The following SRD5A3 variants were observed in gnomAD, a reference collection of about 807,000 sequenced individuals.
SRD5A3 encodes steroid 5 alpha-reductase 3, also known as polyprenal reductase.
Under a neutral mutation model 34.3 loss-of-function variants are expected in SRD5A3, and 24 were observed. The observed-to-expected ratio is 0.70, with a 90% CI of 0.51 to 0.99. SRD5A3 has a LOEUF of 0.99. Among genes scored for constraint, SRD5A3 ranks in the 50% least tolerant of loss-of-function variants. The probability of loss-of-function intolerance (pLI) is 0.00; values close to 1 mark genes in which losing one functional copy is unlikely to be tolerated. For synonymous variants in SRD5A3, 161 were observed against 167.3 expected (o/e 0.96, Z 0.29); for missense variants, 350 against 388.2 (o/e 0.90, Z 0.83).
At chr4:55,351,621 C>A (rs935169794) in intron 1 of SRD5A3, among the ~76,000 whole-genome samples, 1 of 151,874 alleles carries the variant, frequency 6.6e-6, no homozygotes, top group Non-Finnish European at 1.5e-5. Context: ...TGTGCCACTG[C>A]ACTCCAGCCT....
chr4:55,346,444 GCCCGGCCTGCT>G lies in SRD5A3; in HGVS notation c.114_124del (p.Leu40ArgfsTer27). 6.2e-7 allele frequency: 1 copy of G among 1,606,036 alleles called. No individual in the cohort carries two copies. The highest frequency in any genetic ancestry group is 8.5e-7 in the Non-Finnish European group (1 of 1,177,060). Reference sequence around the variant, plus strand: ...TGACCCTACTGCTGCAGCTCCTGCCGCCCGGCCTGCTCCCGGGCTGCGCGATCTTCCAGGAC... The same window carrying G: ...TGACCCTACTGCTGCAGCTCCTGCCGCCCGGGCTGCGCGATCTTCCAGGAC... On this transcript the variant is annotated frameshift_variant, in exon 1 of 5. Transcript: ENST00000264228. LOFTEE classifies it high-confidence loss of function.
chr4:55,361,911 T>G (rs1039181674), intron 2 of SRD5A3, among the ~76,000 whole-genome samples: 38 of 152,218 alleles, frequency 2.5e-4, no homozygotes, highest in Admixed American at 8.5e-4. Context: ...ACTGTGAGAC[T>G]GACTGGGGTG....
rs532116552 is a variant in SRD5A3 at position 55,368,221 on chromosome 4, A to G, written c.697+499A>G. Among the ~76,000 whole-genome samples the G allele has an allele frequency of 1.4e-3, 213 of 151,810 alleles. 2 individuals carry two copies. Among genetic ancestry groups the G allele is most frequent in the African/African-American group, 5.0e-3 (207 of 41,452 alleles). ...GCAAAACCCCGTCTCTTCTAAAAAT[A>G]CAAAACTTAGCTGGGTGCGGTGGTG... On this transcript the variant is annotated intron_variant, in intron 4 of 4. Transcript: ENST00000264228.
rs1172198361 is a variant in SRD5A3, at chr4:55,372,768, C to T, written c.*2677C>T. On this transcript the variant is annotated 3_prime_UTR_variant, in exon 5 of 5. Transcript: ENST00000264228. ...GACATTGAACTACCTCATTAGCAGC[C>T]TTCCCTTGATTAACTACTGACTAAA... The T allele has an allele frequency of 2.0e-5, 3 of 152,134 alleles. No individual in the cohort carries two copies. Among genetic ancestry groups the T allele is most frequent in the Non-Finnish European group, 4.4e-5 (3 of 68,026 alleles). 9.4% of individuals were successfully genotyped at this position (152,134 alleles called of 1,614,324 possible).
At chr4:55,357,576 GA>G (rs35587349) in intron 1 of SRD5A3, among the ~76,000 whole-genome samples, 29,852 of 152,246 alleles carry the variant, frequency 0.2, 3,065 homozygotes, top group South Asian at 0.24. Context: ...GTAGGCTCTT[GA>G]AGCCTGGAGA....
intron 1 of SRD5A3, among the ~76,000 whole-genome samples, chr4:55,356,740 C>CGCGA (rs2109470546): frequency 6.6e-6 from 1 of 151,908 alleles, no homozygotes; most frequent in East Asian, 1.9e-4. Flanking sequence ...GATGGAGTCT[C>CGCGA]GCTCTGTTGC....
chr4:55,359,760 C>T (rs1311910522), intron 2 of SRD5A3, among the ~76,000 whole-genome samples: 1 of 152,168 alleles, frequency 6.6e-6, no homozygotes, highest in African/African-American at 2.4e-5. Context: ...ACTGGCTGCC[C>T]TCCCTCTGGT....
Position 55,353,509 on chromosome 4 carries a change from C to T in SRD5A3, c.222-5837C>T, listed in dbSNP as rs557591679. Among the ~76,000 whole-genome samples the T allele has an allele frequency of 8.7e-4, 132 of 152,290 alleles. 3 individuals are homozygous for T. The South Asian group carries it at 0.017, about 20-fold the overall frequency. ...AAATAAGGGAATAAAAGCTGGCCAC[C>T]CGAGCCAGCAGCGCCAAGTCACTGG... is the stretch of plus-strand genomic sequence containing the variant. On this transcript the variant is annotated intron_variant, in intron 1 of 4. Coordinates refer to ENST00000264228, the MANE Select transcript of SRD5A3 (RefSeq NM_024592.5).
At chr4:55,349,504 A>G (rs930888547) in intron 1 of SRD5A3, among the ~76,000 whole-genome samples, 11 of 151,394 alleles carry the variant, frequency 7.3e-5, no homozygotes, top group African/African-American at 2.4e-4. Context: ...GGTTCTTGGA[A>G]TGTTTGTTTC....
At chr4:55,363,803 G>A (rs1719776399) in intron 2 of SRD5A3, among the ~76,000 whole-genome samples, 1 of 152,184 alleles carries the variant, frequency 6.6e-6, no homozygotes, top group Admixed American at 6.5e-5. Context: ...CAGACCTCCT[G>A]ACCGTGATGT....
intron 3 of SRD5A3, chr4:55,364,493 T>G: frequency 1.8e-6 from 1 of 559,854 alleles, no homozygotes; most frequent in Non-Finnish European, 3.2e-6. Context: ...GGTGGATCAC[T>G]TGAGGCCAGG....
intron 2 of SRD5A3, among the ~76,000 whole-genome samples, chr4:55,360,901 G>A (rs1454620261): frequency 6.6e-6 from 1 of 151,960 alleles, no homozygotes; most frequent in African/African-American, 2.4e-5. Flanking sequence ...TGTTGGTCAG[G>A]CTGGTCTCGA....
chr4:55,365,819 A>G (rs1370923893), intron 3 of SRD5A3, among the ~76,000 whole-genome samples: 1 of 152,186 alleles, frequency 6.6e-6, no homozygotes, highest in Non-Finnish European at 1.5e-5. Context: ...ATTGAGAGAA[A>G]ACACATTGGG....
intron 1 of SRD5A3, among the ~76,000 whole-genome samples, chr4:55,350,929 AT>A (rs1161155389): frequency 6.7e-6 from 1 of 150,162 alleles, no homozygotes; most frequent in African/African-American, 2.5e-5. Context: ...CACCCAGCTA[AT>A]TTTTTTTGTT....
intron 1 of SRD5A3, among the ~76,000 whole-genome samples, chr4:55,355,740 G>T (rs1297876148): frequency 6.6e-6 from 1 of 152,186 alleles, no homozygotes; most frequent in African/African-American, 2.4e-5. Context: ...TTCACAGTCA[G>T]CAGGGCTGTC....
intron 1 of SRD5A3, among the ~76,000 whole-genome samples, 154 bp downstream of exon 1, chr4:55,346,711 G>GGCCCCGGCCAT (rs1173761927): frequency 6.6e-6 from 1 of 152,050 alleles, no homozygotes; most frequent in Non-Finnish European, 1.5e-5. Context: ...CCCTCGGCCT[G>GGCCCCGGCCAT]GCCCCGGCCA....
chr4:55,348,033 CCT>C (rs1452403842), intron 1 of SRD5A3, among the ~76,000 whole-genome samples: 1 of 152,126 alleles, frequency 6.6e-6, no homozygotes. Flanking sequence ...AAAATCATCC[CCT>C]GAACTTGCAT....
At position 55,370,160 on chromosome 4, in the gene SRD5A3, G is replaced by T; in HGVS notation, c.*69G>T. On this transcript the variant is annotated 3_prime_UTR_variant, in exon 5 of 5. Coordinates refer to ENST00000264228, the MANE Select transcript of SRD5A3 (RefSeq NM_024592.5). ...ATGCCTAAGGACAGTGAAGTCTGGA[G>T]CCCAAAGTACAGTTTCAGCAAAGCT... 1 of 1,596,956 alleles carries T rather than the reference G, an allele frequency of 6.3e-7. No individual in the cohort carries two copies. The highest frequency in any genetic ancestry group is 8.5e-7 in the Non-Finnish European group (1 of 1,170,562).
At chr4:55,351,675 A>C (rs1252527131) in intron 1 of SRD5A3, 3 of 283,552 alleles carry the variant, frequency 1.1e-5, no homozygotes, top group Non-Finnish European at 2.1e-5. Context: ...AAAAGGGGTG[A>C]GCATATTTAA....
Sources: gnomAD v4.1 joint callset for allele counts (sites outside exome capture counted in the v4.1 genomes callset) on GRCh38, gnomAD v4.1.1 for gene constraint, MANE v1.5 for transcripts, NCBI Gene and HGNC (gene_info 2026-07-23, HGNC 2026-07-21) for gene names.